CDH13: variants seen among roughly 807,000 people sequenced by gnomAD.
CDH13 encodes the protein cadherin-13.
CDH13 carries 24 observed loss-of-function variants against 63.8 expected under a neutral mutation model. That is an observed-to-expected ratio of 0.38 (90% confidence interval 0.27 to 0.53). The LOEUF is 0.53. CDH13 is among the 20% of genes least tolerant of loss of function. CDH13 has a pLI of 0.85. For missense variants in CDH13, 1,049 were observed against 903.1 expected, an observed-to-expected ratio of 1.16 and a Z score of -2.07; for synonymous variants, 503 against 355.3, an observed-to-expected ratio of 1.42 and a Z score of -4.67.
chr16:82,894,119 C>T (rs558553864), intron 2 of CDH13, among the ~76,000 whole-genome samples: 43 of 152,320 alleles, frequency 2.8e-4, no homozygotes, highest in African/African-American at 8.9e-4. Context: ...GCATCCGTTC[C>T]TTCATTCAAT....
rs559075337 is a variant in CDH13 at position 83,612,504 on chromosome 16, A to C, written c.1101+9910A>C. Among the ~76,000 whole-genome samples the C allele has an allele frequency of 1.4e-4, 22 of 152,164 alleles. No homozygotes were observed. The South Asian group carries it at 4.6e-3, about 32-fold the overall frequency. On this transcript the variant is annotated intron_variant, in intron 8 of 13. Coordinates refer to ENST00000567109, the MANE Select transcript of CDH13 (RefSeq NM_001257.5). ...TACTGGAATTATTTTGCCCATTTAC[A>C]TTTAATGCAAGTACAACATATTCGG...
At chr16:83,010,158 A>AAAAAAAAAAAAAAAC (rs1555561348) in intron 2 of CDH13, among the ~76,000 whole-genome samples, 1 of 136,728 alleles carries the variant, frequency 7.3e-6, no homozygotes, top group African/African-American at 2.7e-5. Flanking sequence ...AAAAAAAAAA[A>AAAAAAAAAAAAAAAC]AAAACAAGAA....
At chr16:83,214,579 CAAAA>C (rs751124100) in intron 4 of CDH13, among the ~76,000 whole-genome samples, 30 of 39,796 alleles carry the variant, frequency 7.5e-4, no homozygotes, top group South Asian at 4.2e-3. Flanking sequence ...GACTCTGTCT[CAAAA>C]AAAAAAAAAA....
intron 4 of CDH13, among the ~76,000 whole-genome samples, chr16:83,163,808 T>C (rs1042098164): frequency 1.3e-5 from 2 of 152,140 alleles, no homozygotes; most frequent in Non-Finnish European, 2.9e-5. Context: ...CAAACCTTTG[T>C]TGAGTTAAGG....
At chr16:82,863,150 G>T (rs2040005464) in intron 2 of CDH13, among the ~76,000 whole-genome samples, 1 of 152,190 alleles carries the variant, frequency 6.6e-6, no homozygotes, top group Admixed American at 6.5e-5. Context: ...ATATCAGAAA[G>T]AGACATAAAT....
At chr16:82,732,803 G>A (rs980058457) in intron 1 of CDH13, among the ~76,000 whole-genome samples, 1 of 152,132 alleles carries the variant, frequency 6.6e-6, no homozygotes, top group Admixed American at 6.6e-5. Context: ...AGTCACTTTG[G>A]ATTTCTGGTT....
rs141793359 is a variant in CDH13 at position 83,377,338 on chromosome 16, C to T, written c.781+32332C>T. ...ACCACACATCTGGCCCACACCCAGC[C>T]CCCAGTTCCTAAAAAGCCTGGTCCA... On this transcript the variant is annotated intron_variant, in intron 6 of 13. Coordinates refer to ENST00000567109, the MANE Select transcript of CDH13 (RefSeq NM_001257.5). Among the ~76,000 whole-genome samples the T allele has an allele frequency of 3.3e-5, 5 of 152,274 alleles. No homozygotes were observed. In the East Asian group the frequency reaches 7.7e-4, roughly 24 times the overall value.
At position 82,808,560 on chromosome 16, in the gene CDH13, T is replaced by A. The variant is rs1011083141; in HGVS notation, c.46-49802T>A. The stretch of plus-strand genomic sequence containing the variant: ...GGCAAGTGATAGGTACACAAGGACA[T>A]CACCAAGAAGAAGGCTCTTTTTCTG... On this transcript the variant is annotated intron_variant, in intron 1 of 13. Coordinates refer to ENST00000567109, the MANE Select transcript of CDH13 (RefSeq NM_001257.5). 4.9e-4 allele frequency among the ~76,000 whole-genome samples: 74 copies of A among 152,180 alleles called. 2 individuals carry two copies. The highest frequency in any genetic ancestry group is 5.9e-5 in the Non-Finnish European group (4 of 68,018).
At chr16:82,663,544 C>G (rs1240226208) in intron 1 of CDH13, among the ~76,000 whole-genome samples, 6 of 152,332 alleles carry the variant, frequency 3.9e-5, no homozygotes, top group Non-Finnish European at 8.8e-5. Context: ...TAGAAATTCA[C>G]TGACCCTAGC....
At chr16:82,826,172 A>T (rs1480617777) in intron 1 of CDH13, 1 of 152,162 alleles carries the variant, frequency 6.6e-6, no homozygotes, top group Non-Finnish European at 1.5e-5. Flanking sequence ...TATTTTTAAG[A>T]TGCATTGTCT....
At chr16:82,668,014 C>G (rs1031049131) in intron 1 of CDH13, among the ~76,000 whole-genome samples, 1 of 152,170 alleles carries the variant, frequency 6.6e-6, no homozygotes, top group Non-Finnish European at 1.5e-5. Flanking sequence ...GACACCATTA[C>G]CAGGACTGCG....
chr16:83,476,932 G>T (rs1175934521), intron 6 of CDH13, among the ~76,000 whole-genome samples: 1 of 152,158 alleles, frequency 6.6e-6, no homozygotes, highest in Non-Finnish European at 1.5e-5. Context: ...CATGGGAATG[G>T]TAGATAAAAA....
At chr16:82,906,651 G>T (rs1597185717) in intron 2 of CDH13, among the ~76,000 whole-genome samples, 1 of 152,116 alleles carries the variant, frequency 6.6e-6, no homozygotes, top group Non-Finnish European at 1.5e-5. Context: ...TAACTCAAAT[G>T]GCTTAAAACA....
Position 83,344,752 on chromosome 16 carries a change from C to A in CDH13, c.637-110C>A, listed in dbSNP as rs1025397922. The A allele has an allele frequency of 4.2e-6, 5 of 1,183,056 alleles. No homozygotes were observed. In the African/African-American group the frequency reaches 6.1e-5, roughly 14 times the overall value. 73.3% of individuals were successfully genotyped at this position (1,183,056 alleles called of 1,614,324 possible). ...CTCTGAGACCAAAATTTCAATATTGCCAAGGGCTCATAAAATTGTCGATAT... is the reference window on the plus strand; with the variant it reads ...CTCTGAGACCAAAATTTCAATATTGACAAGGGCTCATAAAATTGTCGATAT... On this transcript the variant is annotated intron_variant, in intron 5 of 13. Transcript: ENST00000567109.
At chr16:82,744,840 G>C (rs1019837459) in intron 1 of CDH13, among the ~76,000 whole-genome samples, 4 of 152,088 alleles carry the variant, frequency 2.6e-5, no homozygotes, top group Non-Finnish European at 4.4e-5. Context: ...TTTGTACAAG[G>C]TGCAGAGCCT....
intron 1 of CDH13, among the ~76,000 whole-genome samples, chr16:82,794,558 A>G (rs916964564): frequency 6.6e-6 from 1 of 152,064 alleles, no homozygotes; most frequent in Non-Finnish European, 1.5e-5. Context: ...TGTTTGACCC[A>G]TGTAATACCC....
chr16:83,119,405 G>T (rs2035461622), intron 3 of CDH13, among the ~76,000 whole-genome samples: 1 of 152,036 alleles, frequency 6.6e-6, no homozygotes, highest in Non-Finnish European at 1.5e-5. Flanking sequence ...TTCACGTCCA[G>T]CAGGCTCCTC....
At chr16:83,221,136 A>T (rs1467439412) in intron 5 of CDH13, among the ~76,000 whole-genome samples, 1 of 151,830 alleles carries the variant, frequency 6.6e-6, no homozygotes, top group African/African-American at 2.4e-5. Flanking sequence ...ACTAAGAAAC[A>T]CTCTTCCTAT....
intron 3 of CDH13, among the ~76,000 whole-genome samples, chr16:83,046,777 G>T (rs951135490): frequency 6.6e-6 from 1 of 152,170 alleles, no homozygotes; most frequent in African/African-American, 2.4e-5. Flanking sequence ...CAGTTGGCCT[G>T]AGATTGTTGC....
Sources: allele counts gnomAD v4.1 joint callset (sites outside exome capture counted in the v4.1 genomes callset), GRCh38; gene constraint gnomAD v4.1.1; transcripts MANE v1.5; gene names NCBI Gene and HGNC (gene_info 2026-07-23, HGNC 2026-07-21).